The following DENND1A variants were observed in gnomAD, a reference collection of about 807,000 sequenced individuals.
DENND1A encodes DENN domain-containing protein 1A.
Under a neutral mutation model 113.7 loss-of-function variants are expected in DENND1A, and 51 were observed. The observed-to-expected ratio is 0.45, with a 90% CI of 0.36 to 0.57. DENND1A has a LOEUF of 0.57. DENND1A is among the 20% of genes least tolerant of loss of function. The probability of loss-of-function intolerance (pLI) is 0.00; values close to 1 mark genes in which losing one functional copy is unlikely to be tolerated. For synonymous variants in DENND1A, 565 were observed against 570.8 expected, an observed-to-expected ratio of 0.99 and a Z score of 0.14; for missense variants, 1,258 against 1,395.9, an observed-to-expected ratio of 0.90 and a Z score of 1.57.
intron 13 of DENND1A, among the ~76,000 whole-genome samples, chr9:123,460,478 A>C (rs1001836837): frequency 2.0e-5 from 3 of 152,022 alleles, no homozygotes; most frequent in Non-Finnish European, 4.4e-5. Context: ...CTCAACCTCC[A>C]CCTGATGGCC....
chr9:123,436,971 A>G (rs2046570160), intron 19 of DENND1A, among the ~76,000 whole-genome samples: 1 of 152,138 alleles, frequency 6.6e-6, no homozygotes, highest in Non-Finnish European at 1.5e-5. Flanking sequence ...TACTGACAAA[A>G]GCATCTTTTA....
At chr9:123,708,873 G>C (rs1006741231) in intron 5 of DENND1A, among the ~76,000 whole-genome samples, 1 of 152,184 alleles carries the variant, frequency 6.6e-6, no homozygotes, top group African/African-American at 2.4e-5. Context: ...AACACCACTT[G>C]ATTTCTTCAG....
intron 20 of DENND1A, among the ~76,000 whole-genome samples, chr9:123,409,603 C>T (rs78380200): frequency 0.02 from 3,023 of 151,842 alleles, 89 homozygotes; most frequent in African/African-American, 0.069. Flanking sequence ...GTTGAGGAAC[C>T]TGGGTTAAGT....
chr9:123,624,786 T>G (rs1290856928), intron 10 of DENND1A, among the ~76,000 whole-genome samples: 2 of 152,094 alleles, frequency 1.3e-5, no homozygotes, highest in Non-Finnish European at 2.9e-5. Context: ...TTTTTCAGAG[T>G]GCTAGAGTTA....
chr9:123,659,407 C>A (rs757537379), intron 8 of DENND1A, among the ~76,000 whole-genome samples: 1 of 152,088 alleles, frequency 6.6e-6, no homozygotes, highest in African/African-American at 2.4e-5. Flanking sequence ...GAAATATATG[C>A]CCCATAAAAG....
At chr9:123,917,215 T>C (rs895920980) in intron 1 of DENND1A, among the ~76,000 whole-genome samples, 2 of 151,864 alleles carry the variant, frequency 1.3e-5, no homozygotes, top group African/African-American at 2.4e-5. Context: ...AACAAAAAAC[T>C]AACTTTGTAT....
At chr9:123,711,486 A>AATATATATATATATATGTATATATGT (rs2066587738) in intron 5 of DENND1A, among the ~76,000 whole-genome samples, 4 of 101,768 alleles carry the variant, frequency 3.9e-5, no homozygotes, top group Admixed American at 2.3e-4. Context: ...TAAATTAAAA[A>AATATATATATATATATGTATATATGT]ATATATATAT....
chr9:123,804,522 T>G (rs1052938266), intron 2 of DENND1A, among the ~76,000 whole-genome samples: 1 of 152,206 alleles, frequency 6.6e-6, no homozygotes, highest in African/African-American at 2.4e-5. Context: ...TTTCCTTTGC[T>G]GGTCCTCTTT....
rs918701910 is a variant in DENND1A at position 123,507,686 on chromosome 9, A to T, written c.994-49789T>A. Among the ~76,000 whole-genome samples, 10 of 113,404 alleles carry T rather than the reference A, an allele frequency of 8.8e-5. No individual in the cohort carries two copies. In the South Asian group the frequency reaches 1.4e-3, roughly 15 times the overall value. The allele number at this position is 113,404 out of a possible 152,430, so 74.4% of individuals were successfully genotyped here. A position where few individuals can be genotyped will look rare whatever the true frequency, so the allele number is the denominator to read the frequency against. ...CAACATAGCGGGACCCTCATCTCTT[A>T]AAAAAAAAAAAAAAGAAAATTAGCC... On this transcript the variant is annotated intron_variant, in intron 13 of 23. Coordinates refer to ENST00000394215, the MANE Select transcript of DENND1A (RefSeq NM_001352964.2).
intron 3 of DENND1A, among the ~76,000 whole-genome samples, chr9:123,784,047 G>C (rs1831736864): frequency 6.6e-6 from 1 of 152,150 alleles, no homozygotes. Flanking sequence ...GGACAGCAAG[G>C]AGAAAAATAT....
chr9:123,558,289 G>A (rs949482453), intron 12 of DENND1A, among the ~76,000 whole-genome samples: 2 of 152,150 alleles, frequency 1.3e-5, no homozygotes, highest in Admixed American at 1.3e-4. Context: ...CCCAAACTCA[G>A]ACTTTCAGTT....
chr9:123,420,991 T>C (rs921649941), intron 19 of DENND1A, among the ~76,000 whole-genome samples: 1 of 150,596 alleles, frequency 6.6e-6, no homozygotes, highest in Non-Finnish European at 1.5e-5. Context: ...GGCTGGTGCC[T>C]GGGCAGGGGC....
intron 21 of DENND1A, among the ~76,000 whole-genome samples, chr9:123,395,551 T>TA (rs1429281189): frequency 6.6e-6 from 1 of 151,830 alleles, no homozygotes; most frequent in Non-Finnish European, 1.5e-5. Flanking sequence ...TAATTGGGTC[T>TA]GTGACCTTCT....
At chr9:123,545,418 TC>T (rs934585521) in intron 13 of DENND1A, among the ~76,000 whole-genome samples, 1 of 151,740 alleles carries the variant, frequency 6.6e-6, no homozygotes, top group Admixed American at 6.6e-5. Flanking sequence ...AAATCCACCA[TC>T]CCTCCATCAA....
intron 5 of DENND1A, among the ~76,000 whole-genome samples, chr9:123,748,214 T>C (rs1172349692): frequency 6.6e-6 from 1 of 152,166 alleles, no homozygotes; most frequent in Non-Finnish European, 1.5e-5. Flanking sequence ...GTGAAAAAGC[T>C]AGATACAAAG....
intron 12 of DENND1A, among the ~76,000 whole-genome samples, chr9:123,573,141 C>T (rs1422275882): frequency 6.6e-6 from 1 of 151,682 alleles, no homozygotes; most frequent in Non-Finnish European, 1.5e-5. Flanking sequence ...TAATTTTGTT[C>T]TATTGATTTA....
chr9:123,832,803 T>C (rs779002954), intron 2 of DENND1A, among the ~76,000 whole-genome samples: 8 of 152,146 alleles, frequency 5.3e-5, no homozygotes, highest in Non-Finnish European at 1.2e-4. Context: ...TGTATATATG[T>C]TGAACAACAG....
intron 13 of DENND1A, among the ~76,000 whole-genome samples, chr9:123,485,010 T>C (rs1339604881): frequency 6.6e-6 from 1 of 152,064 alleles, no homozygotes; most frequent in Admixed American, 6.6e-5. Flanking sequence ...TGTAGGGAAG[T>C]GGTGAGTGGT....
Position 123,656,085 on chromosome 9 carries a change from T to A in DENND1A, c.508-3962A>T, listed in dbSNP as rs575182544. Among the ~76,000 whole-genome samples the A allele has an allele frequency of 1.3e-3, 203 of 152,210 alleles. 1 individual carries two copies. Among genetic ancestry groups the A allele is most frequent in the Non-Finnish European group, 2.2e-3 (151 of 68,028 alleles). ...GAGAAGCCTCACTCCCCTTGACGGA[T>A]ATGCAGGGGAAGGCTGGAGAAAGTG... On this transcript the variant is annotated intron_variant, in intron 8 of 23. Coordinates refer to ENST00000394215, the MANE Select transcript of DENND1A (RefSeq NM_001352964.2).
Sources: allele counts gnomAD v4.1 joint callset (sites outside exome capture counted in the v4.1 genomes callset), GRCh38; gene constraint gnomAD v4.1.1; transcripts MANE v1.5; gene names NCBI Gene and HGNC (gene_info 2026-07-23, HGNC 2026-07-21).